The following NCALD variants were observed in gnomAD, a reference collection of about 807,000 sequenced individuals.
The protein encoded by NCALD is neurocalcin delta.
In NCALD, 10 loss-of-function variants were observed where a neutral mutation model predicts 18.6. The observed-to-expected ratio is 0.54, with a 90% CI of 0.33 to 0.91. NCALD has a LOEUF of 0.91. NCALD is among the 40% of genes least tolerant of loss of function. NCALD has a pLI of 0.03. For missense variants in NCALD, 184 were observed against 247.6 expected, an observed-to-expected ratio of 0.74 and a Z score of 1.72; for synonymous variants, 88 against 87.4, an observed-to-expected ratio of 1.01 and a Z score of -0.04.
chr8:101,941,427 T>A (rs116586356), intron 2 of NCALD, among the ~76,000 whole-genome samples: 1 of 152,366 alleles, frequency 6.6e-6, no homozygotes, highest in African/African-American at 2.4e-5. Flanking sequence ...TGCTCACCTC[T>A]TCCTGGGCAA....
intron 4 of NCALD, among the ~76,000 whole-genome samples, chr8:101,796,899 T>C (rs1812658027): frequency 6.6e-6 from 1 of 152,196 alleles, no homozygotes; most frequent in Non-Finnish European, 1.5e-5. Flanking sequence ...GTCATCCCTC[T>C]GCTCACTGAG....
intron 4 of NCALD, among the ~76,000 whole-genome samples, chr8:101,869,785 G>T (rs965917535): frequency 3.9e-5 from 6 of 152,170 alleles, no homozygotes; most frequent in African/African-American, 1.4e-4. Flanking sequence ...AAAATTGTAG[G>T]TATTGTTAGC....
At chr8:102,060,951 C>A (rs7014272) in intron 1 of NCALD, among the ~76,000 whole-genome samples, 1 of 152,052 alleles carries the variant, frequency 6.6e-6, no homozygotes, top group Non-Finnish European at 1.5e-5. Context: ...GGAAACAAAG[C>A]GACAAAAGCC....
chr8:102,101,580 C>T (rs567238079), intron 1 of NCALD, among the ~76,000 whole-genome samples: 46 of 152,266 alleles, frequency 3.0e-4, no homozygotes, highest in Admixed American at 6.5e-4. Flanking sequence ...ACCTTATTCT[C>T]GGAAGCTTTG....
intron 1 of NCALD, among the ~76,000 whole-genome samples, chr8:102,076,287 A>G (rs1330711276): frequency 6.6e-6 from 1 of 152,218 alleles, no homozygotes; most frequent in Non-Finnish European, 1.5e-5. Flanking sequence ...CTAAGAGAAC[A>G]CAGGTGACTT....
chr8:101,838,084 A>G (rs769754265), intron 4 of NCALD, among the ~76,000 whole-genome samples: 1 of 152,234 alleles, frequency 6.6e-6, no homozygotes, highest in Non-Finnish European at 1.5e-5. Context: ...GCTATTATTA[A>G]TACAGTGTAT....
rs75397030 is a variant in NCALD, at chr8:101,688,564, T to C, written c.*745A>G. Reference sequence around the variant, plus strand: ...TTAATTTGGTCTGCATTACCCAATATGTTATATACAGCCGTCTTTTTATTT... The same window carrying C: ...TTAATTTGGTCTGCATTACCCAATACGTTATATACAGCCGTCTTTTTATTT... On this transcript the variant is annotated 3_prime_UTR_variant, in exon 4 of 4. Transcript: ENST00000220931. 7.9e-4 allele frequency: 339 copies of C among 430,300 alleles called. No individual in the cohort carries two copies. The highest frequency in any genetic ancestry group is 6.4e-3 in the African/African-American group (312 of 48,690). 26.7% of individuals were successfully genotyped at this position (430,300 alleles called of 1,614,324 possible). A position where few individuals can be genotyped will look rare whatever the true frequency, so the allele number is the denominator to read the frequency against.
At chr8:102,048,227 G>A (rs764024645) in intron 1 of NCALD, among the ~76,000 whole-genome samples, 3 of 152,102 alleles carry the variant, frequency 2.0e-5, no homozygotes, top group Non-Finnish European at 4.4e-5. Flanking sequence ...CCAAAGATAC[G>A]GGATTGCTCA....
chr8:101,889,967 T>C (rs972166845), intron 3 of NCALD, among the ~76,000 whole-genome samples: 2 of 152,202 alleles, frequency 1.3e-5, no homozygotes, highest in African/African-American at 4.8e-5. Flanking sequence ...GGAGAGAAGT[T>C]CTTAAGGCAC....
chr8:102,081,544 G>A (rs1824525406), intron 1 of NCALD, among the ~76,000 whole-genome samples: 1 of 37,930 alleles, frequency 2.6e-5, no homozygotes, highest in Non-Finnish European at 5.1e-5. Context: ...TCAAATAATG[G>A]TAAAAAAAAA....
At chr8:101,948,402 T>G (rs1819262301) in intron 2 of NCALD, among the ~76,000 whole-genome samples, 1 of 152,190 alleles carries the variant, frequency 6.6e-6, no homozygotes, top group African/African-American at 2.4e-5. Flanking sequence ...GAAGGCTTAG[T>G]GGATCGGAAG....
intron 1 of NCALD, among the ~76,000 whole-genome samples, chr8:102,035,876 A>C (rs1358049069): frequency 1.3e-5 from 2 of 152,130 alleles, no homozygotes; most frequent in Admixed American, 6.6e-5. Flanking sequence ...CCCTTTCCCC[A>C]ACTAACTGCA....
At chr8:101,971,816 C>T (rs1820251719) in intron 2 of NCALD, among the ~76,000 whole-genome samples, 1 of 152,184 alleles carries the variant, frequency 6.6e-6, no homozygotes, top group South Asian at 2.1e-4. Flanking sequence ...GACCTGGCCT[C>T]TTGACTCTAT....
chr8:101,946,917 A>G (rs1032789945), intron 2 of NCALD, among the ~76,000 whole-genome samples: 1 of 152,072 alleles, frequency 6.6e-6, no homozygotes, highest in Admixed American at 6.6e-5. Flanking sequence ...CAACTGGTTC[A>G]GCTTGCACAA....
chr8:102,110,785 G>C (rs1825616959), intron 1 of NCALD, among the ~76,000 whole-genome samples: 1 of 152,098 alleles, frequency 6.6e-6, no homozygotes. Context: ...GGAGAAAAAG[G>C]TTATCGTACA....
rs537033051 is a variant in NCALD, at chr8:102,043,376, A to G, written c.-209-23087T>C. On this transcript the variant is annotated intron_variant, in intron 1 of 6. Coordinates refer to the NCALD transcript ENST00000311028. ...GGTGTTCTTCCTGCTGCCTTCTGTA[A>G]TTGTTTCCATAGAGTTGACGGCTCT... Among the ~76,000 whole-genome samples the G allele has an allele frequency of 2.6e-5, 4 of 151,646 alleles. No individual in the cohort carries two copies. In the South Asian group the frequency reaches 8.3e-4, roughly 32 times the overall value.
chr8:101,954,836 A>C (rs897251909), intron 2 of NCALD, among the ~76,000 whole-genome samples: 1 of 152,380 alleles, frequency 6.6e-6, no homozygotes, highest in South Asian at 2.1e-4. Flanking sequence ...GCATGATTCT[A>C]GAATCATAAT....
intron 2 of NCALD, among the ~76,000 whole-genome samples, chr8:101,700,334 G>T (rs1197552046): frequency 6.6e-6 from 1 of 152,164 alleles, no homozygotes; most frequent in African/African-American, 2.4e-5. Context: ...AAATACAGGC[G>T]TGAGCCACTG....
chr8:101,939,320 T>A (rs534104476), intron 2 of NCALD, among the ~76,000 whole-genome samples: 16 of 152,338 alleles, frequency 1.1e-4, no homozygotes, highest in Admixed American at 6.5e-4. Context: ...ATTCATTGAA[T>A]GAAAAGCATA....
Sources: gnomAD v4.1 joint callset for allele counts (sites outside exome capture counted in the v4.1 genomes callset) on GRCh38, gnomAD v4.1.1 for gene constraint, MANE v1.5 for transcripts, NCBI Gene and HGNC (gene_info 2026-07-23, HGNC 2026-07-21) for gene names.